Variants in MAPK4 observed in about 807,000 individuals in gnomAD.
The protein encoded by MAPK4 is mitogen-activated protein kinase 4.
Under a neutral mutation model 47.7 loss-of-function variants are expected in MAPK4, and 22 were observed. The ratio of observed to expected loss-of-function variants is 0.46; its 90% CI spans 0.33 to 0.66. The LOEUF (loss-of-function observed/expected upper bound fraction) is 0.66. Ranked by LOEUF, MAPK4 falls within the 30% of genes least tolerant of loss-of-function variation. The pLI, the probability that MAPK4 is intolerant of heterozygous loss-of-function variation, is 0.02. For missense variants in MAPK4, 736 were observed against 831.7 expected (o/e 0.88, Z 1.42); for synonymous variants, 390 against 365.7 (o/e 1.07, Z -0.76).
intron 1 of MAPK4, among the ~76,000 whole-genome samples, chr18:50,603,411 G>A (rs1443022331): frequency 2.6e-5 from 4 of 152,196 alleles, no homozygotes; most frequent in African/African-American, 9.6e-5. Flanking sequence ...AGGGGCTCTT[G>A]TCATGCCAAT....
chr18:50,717,806 T>G (rs910208908), intron 3 of MAPK4, among the ~76,000 whole-genome samples: 1 of 152,120 alleles, frequency 6.6e-6, no homozygotes, highest in Non-Finnish European at 1.5e-5. Flanking sequence ...GGGCAGCTGG[T>G]GTAATAATTA....
At chr18:50,684,740 G>A (rs974839203) in intron 2 of MAPK4, among the ~76,000 whole-genome samples, 1 of 152,112 alleles carries the variant, frequency 6.6e-6, no homozygotes, top group South Asian at 2.1e-4. Context: ...TCCAACCACC[G>A]AGGAAGACAG....
At chr18:50,572,914 T>A (rs1399629825) in intron 1 of MAPK4, among the ~76,000 whole-genome samples, 1 of 152,188 alleles carries the variant, frequency 6.6e-6, no homozygotes. Flanking sequence ...CTATATTGCC[T>A]TAAACTTAGA....
chr18:50,566,692 G>C (rs960199741), intron 1 of MAPK4, among the ~76,000 whole-genome samples: 1 of 152,118 alleles, frequency 6.6e-6, no homozygotes, highest in African/African-American at 2.4e-5. Flanking sequence ...AAATTGAGAC[G>C]GTTCAATTGG....
intron 2 of MAPK4, among the ~76,000 whole-genome samples, chr18:50,708,865 C>T (rs1910202557): frequency 6.6e-6 from 1 of 152,184 alleles, no homozygotes; most frequent in Non-Finnish European, 1.5e-5. Flanking sequence ...GCCTCAGTTT[C>T]CTCCCTGTAA....
At chr18:50,654,281 G>C (rs2043083545) in intron 1 of MAPK4, among the ~76,000 whole-genome samples, 1 of 152,216 alleles carries the variant, frequency 6.6e-6, no homozygotes, top group South Asian at 2.1e-4. Flanking sequence ...TCCCATGATG[G>C]CTTATTAAAT....
At chr18:50,675,082 T>C (rs1208822093) in intron 2 of MAPK4, among the ~76,000 whole-genome samples, 1 of 152,212 alleles carries the variant, frequency 6.6e-6, no homozygotes, top group Non-Finnish European at 1.5e-5. Context: ...AACAACCTAA[T>C]AGGTGCTGTT....
At chr18:50,660,931 G>A (rs542698150) in intron 1 of MAPK4, among the ~76,000 whole-genome samples, 7 of 152,098 alleles carry the variant, frequency 4.6e-5, no homozygotes, top group Non-Finnish European at 8.8e-5. Context: ...ACACACACAC[G>A]GGATACAGTC....
At chr18:50,598,770 C>G (rs1347598431) in intron 1 of MAPK4, among the ~76,000 whole-genome samples, 1 of 152,148 alleles carries the variant, frequency 6.6e-6, no homozygotes, top group Non-Finnish European at 1.5e-5. Flanking sequence ...TTGGTCTTCC[C>G]TTGTTTTTTC....
chr18:50,725,591 G>A (rs1223209096), intron 4 of MAPK4, among the ~76,000 whole-genome samples: 1 of 152,196 alleles, frequency 6.6e-6, no homozygotes, highest in Admixed American at 6.5e-5. Context: ...CCTGTCATGA[G>A]TGTGCCTTGT....
chr18:50,708,070 G>C (rs1910154690), intron 2 of MAPK4, among the ~76,000 whole-genome samples: 1 of 152,242 alleles, frequency 6.6e-6, no homozygotes, highest in African/African-American at 2.4e-5. Flanking sequence ...ATGTGAGCCA[G>C]GCTTTGTGAT....
At chr18:50,682,137 G>T (rs949208961) in intron 2 of MAPK4, among the ~76,000 whole-genome samples, 3 of 152,094 alleles carry the variant, frequency 2.0e-5, no homozygotes, top group African/African-American at 7.2e-5. Context: ...AAATGTTCTG[G>T]AATTAGATAG....
chr18:50,678,760 C>G lies in MAPK4; in HGVS notation c.546+14256C>G, dbSNP rs555430562. On this transcript the variant is annotated intron_variant, in intron 2 of 5. Transcript: ENST00000400384. The surrounding 1 kb of genome is among the most constrained non-coding windows in gnomAD (Gnocchi z 4.2). Reference sequence around the variant, plus strand: ...AGATAACACGTTTGCCCTCTGCTGTCCATCATGCACCTGGCAGGATCCCCT... The same window carrying G: ...AGATAACACGTTTGCCCTCTGCTGTGCATCATGCACCTGGCAGGATCCCCT... Among the ~76,000 whole-genome samples, 7 of 152,322 alleles carry G rather than the reference C, an allele frequency of 4.6e-5. No homozygotes were observed. The East Asian group carries it at 1.2e-3, about 25-fold the overall frequency.
At chr18:50,606,367 A>G (rs1188375621) in intron 1 of MAPK4, among the ~76,000 whole-genome samples, 1 of 152,152 alleles carries the variant, frequency 6.6e-6, no homozygotes, top group Non-Finnish European at 1.5e-5. Context: ...TCTTTAATAC[A>G]CTAGTGAGCA....
chr18:50,563,344 G>A (rs1224167317), intron 1 of MAPK4, among the ~76,000 whole-genome samples: 1 of 152,178 alleles, frequency 6.6e-6, no homozygotes, highest in Non-Finnish European at 1.5e-5. Context: ...AAAACAAACC[G>A]AATTTAGAGT....
chr18:50,665,883 CAGGGAGAAACAGTG>C lies in MAPK4; in HGVS notation c.546+1380_546+1393del, dbSNP rs578030646. Among the ~76,000 whole-genome samples, 162 of 152,360 alleles carry C rather than the reference CAGGGAGAAACAGTG, an allele frequency of 1.1e-3. 1 individual carries two copies. Among genetic ancestry groups the C allele is most frequent in the African/African-American group, 3.8e-3 (160 of 41,586 alleles). Reference sequence around the variant, plus strand: ...GTCCATGGGCTGGGGCCTGGGGAGGCAGGGAGAAACAGTGCCCTTGTATCTCTTTCTAATTCCTT... The same window carrying C: ...GTCCATGGGCTGGGGCCTGGGGAGGCCCCTTGTATCTCTTTCTAATTCCTT... On this transcript the variant is annotated intron_variant, in intron 2 of 5. Transcript: ENST00000400384.
At chr18:50,607,485 G>A (rs1394182081) in intron 1 of MAPK4, among the ~76,000 whole-genome samples, 1 of 152,114 alleles carries the variant, frequency 6.6e-6, no homozygotes, top group East Asian at 1.9e-4. Flanking sequence ...TTGGCTGTGT[G>A]TGTTATTTTG....
At chr18:50,596,079 T>C (rs551822591) in intron 1 of MAPK4, among the ~76,000 whole-genome samples, 71 of 152,336 alleles carry the variant, frequency 4.7e-4, no homozygotes, top group African/African-American at 1.6e-3. Flanking sequence ...CATTAAATAG[T>C]ACTCAGCGCT....
chr18:50,651,137 G>T (rs2043044039), intron 1 of MAPK4, among the ~76,000 whole-genome samples: 1 of 152,212 alleles, frequency 6.6e-6, no homozygotes. Context: ...AGGAACGCAG[G>T]TGCTGCTGGG....
Sources: gnomAD v4.1 joint callset for allele counts (sites outside exome capture counted in the v4.1 genomes callset) on GRCh38, gnomAD v4.1.1 for gene constraint, Gnocchi (gnomAD v3.1) non-coding constraint, MANE v1.5 for transcripts, NCBI Gene and HGNC (gene_info 2026-07-23, HGNC 2026-07-21) for gene names.